POLG2: variants seen among roughly 807,000 people sequenced by gnomAD.
The protein encoded by POLG2 is DNA polymerase subunit gamma-2.
Under a neutral mutation model 56.5 loss-of-function variants are expected in POLG2, and 50 were observed. That is an observed-to-expected ratio of 0.88 (90% confidence interval 0.71 to 1.12). POLG2 has a LOEUF of 1.12. Ranked by LOEUF, POLG2 falls within the 50% of genes most tolerant of loss-of-function variation. The pLI is 0.00. For missense variants in POLG2, 584 were observed against 583.3 expected (o/e 1.00, Z -0.01); for synonymous variants, 226 against 222.6 (o/e 1.02, Z -0.14).
In POLG2 at chr17:64,479,548, T is replaced by C. The variant is rs538561520; in HGVS notation, c.1292+741A>G. On this transcript the variant is annotated intron_variant, in intron 7 of 7. Transcript: ENST00000539111. Reference sequence around the variant, plus strand: ...ATCAAAACACAATGGTTCACAACTTTTCACCCAAAAGATACATATTCAACA... The same window carrying C: ...ATCAAAACACAATGGTTCACAACTTCTCACCCAAAAGATACATATTCAACA... Among the ~76,000 whole-genome samples, 20 of 152,150 alleles carry C rather than the reference T, an allele frequency of 1.3e-4. No individual in the cohort carries two copies. The South Asian group carries it at 3.9e-3, about 30-fold the overall frequency.
intron 1 of POLG2, among the ~76,000 whole-genome samples, chr17:64,494,437 T>G (rs958460629): frequency 3.9e-5 from 6 of 152,170 alleles, no homozygotes; most frequent in Non-Finnish European, 8.8e-5. Context: ...TCACCCAGTA[T>G]TTTAGAATCC....
chr17:64,495,034 G>A (rs1487841745), intron 1 of POLG2, among the ~76,000 whole-genome samples: 4 of 152,072 alleles, frequency 2.6e-5, no homozygotes, highest in Non-Finnish European at 4.4e-5. Flanking sequence ...TTAGCCAGGC[G>A]TGGTGGCAAG....
At chr17:64,486,138 C>G (rs2037947919) in intron 4 of POLG2, among the ~76,000 whole-genome samples, 1 of 152,134 alleles carries the variant, frequency 6.6e-6, no homozygotes, top group African/African-American at 2.4e-5. Flanking sequence ...GGCACTGGGC[C>G]CACGAAGACG....
chr17:64,496,995 C>G lies in POLG2; in HGVS notation c.-27G>C, dbSNP rs1403336346. ...TCTCTCCGAAGTTAAAGAGCACACTCTCCCATCACTCAACGGATCCCAACA... is the reference window on the plus strand; with the variant it reads ...TCTCTCCGAAGTTAAAGAGCACACTGTCCCATCACTCAACGGATCCCAACA... On this transcript the variant is annotated 5_prime_UTR_variant, in exon 1 of 8. Transcript: ENST00000539111. The G allele has an allele frequency of 6.3e-7, 1 of 1,585,758 alleles. No individual in the cohort carries two copies.
chr17:64,491,820 C>A, intron 3 of POLG2: 1 of 456,580 alleles, frequency 2.2e-6, no homozygotes, highest in Non-Finnish European at 4.0e-6. Context: ...CCCCAGCAAC[C>A]TTCTTGGCTG....
intron 7 of POLG2, among the ~76,000 whole-genome samples, chr17:64,479,179 A>T (rs2037816077): frequency 6.7e-6 from 1 of 149,384 alleles, no homozygotes; most frequent in African/African-American, 2.5e-5. Flanking sequence ...ATCATCTGAA[A>T]GGTGTTTTTT....
intron 5 of POLG2, 118 bp from the exon 6 acceptor site, chr17:64,483,117 T>C (rs1162180827): frequency 3.4e-6 from 2 of 595,406 alleles, no homozygotes; most frequent in South Asian, 2.1e-5. Context: ...TTAACAGTTA[T>C]AATTTTCTGT....
chr17:64,485,645 T>C lies in POLG2; in HGVS notation c.1110+83A>G, dbSNP rs934277998. Reference sequence around the variant, plus strand: ...TAAATTTATTATTTAGAGTTTATGTTAGAAACCGAGCACACTAACATTAAG... The same window carrying C: ...TAAATTTATTATTTAGAGTTTATGTCAGAAACCGAGCACACTAACATTAAG... On this transcript the variant is annotated intron_variant, in intron 5 of 7. Coordinates refer to ENST00000539111, the MANE Select transcript of POLG2 (RefSeq NM_007215.4). 1.3e-5 allele frequency: 15 copies of C among 1,119,368 alleles called. No homozygotes were observed. In the African/African-American group the frequency reaches 2.0e-4, roughly 15 times the overall value. 69.3% of individuals were successfully genotyped at this position (1,119,368 alleles called of 1,614,324 possible). A position where few individuals can be genotyped will look rare whatever the true frequency, so the allele number is the denominator to read the frequency against.
chr17:64,481,279 T>C lies in POLG2; in HGVS notation c.1192-890A>G, dbSNP rs59327291. On this transcript the variant is annotated intron_variant, in intron 6 of 7. Transcript: ENST00000539111. ...AAAATGTGGGACATACGCCATTATC[T>C]TCTCCTTCTTTGAGCTCACTATCTC... 8,019 of 985,284 alleles carry C rather than the reference T, an allele frequency of 8.1e-3. 517 individuals are homozygous for C. The African/African-American group carries it at 0.13, about 16-fold the overall frequency. The allele number at this position is 985,284 out of a possible 1,614,324, so 61.0% of individuals were successfully genotyped here. A position where few individuals can be genotyped will look rare whatever the true frequency, so the allele number is the denominator to read the frequency against.
At chr17:64,493,383 C>T (rs1453124399) in intron 1 of POLG2, among the ~76,000 whole-genome samples, 1 of 152,014 alleles carries the variant, frequency 6.6e-6, no homozygotes, top group African/African-American at 2.4e-5. Context: ...TGCCACTGTG[C>T]TCCAGCCTGG....
intron 1 of POLG2, 135 bp from the exon 2 acceptor site, chr17:64,493,156 G>T: frequency 1.0e-6 from 1 of 967,592 alleles, no homozygotes; most frequent in Non-Finnish European, 1.6e-6. Context: ...GGTGGCTCAC[G>T]CCTATAATCC....
At position 64,496,518 on chromosome 17, in the gene POLG2, C is replaced by T. The variant is rs2038154615; in HGVS notation, c.451G>A (p.Glu151Lys). 1 of 1,613,674 alleles carries T rather than the reference C, an allele frequency of 6.2e-7. No individual in the cohort carries two copies. Among genetic ancestry groups the T allele is most frequent in the South Asian group, 1.1e-5 (1 of 91,076 alleles). Residue 151 changes from glutamate (E) to lysine (K), a missense_variant, in exon 1 of 8, where the codon GAA becomes AAA. By Grantham distance (56) the Glu-to-Lys change is moderately conservative (BLOSUM62 1). Coordinates refer to ENST00000539111, the MANE Select transcript of POLG2 (RefSeq NM_007215.4). ...TCTTGCAAGATTTCGCGTAGAGTTT[C>T]TGCAGAAACTAACCTGAAGGCACTG... Reference protein sequence around the residue: ...GDSAFRLVSAETLREILQDKE... With the variant: ...GDSAFRLVSAKTLREILQDKE...
chr17:64,485,567 T>TGGCCAG, intron 5 of POLG2, 161 bp downstream of exon 5: 1 of 652,762 alleles, frequency 1.5e-6, no homozygotes, highest in Non-Finnish European at 2.7e-6. Flanking sequence ...ACCTGATTCT[T>TGGCCAG]ATTCCTGTGG....
chr17:64,496,880 G>C lies in POLG2; in HGVS notation c.89C>G (p.Pro30Arg). Reference sequence around the variant, plus strand: ...GCTACTCCTTTCCGTCAACAGCTCCGGCTGCCCCGCATCTACTCGACCCCC... The same window carrying C: ...GCTACTCCTTTCCGTCAACAGCTCCCGCTGCCCCGCATCTACTCGACCCCC... Reference protein sequence around the residue: ...GFGGRVDAGQPELLTERSSPK... With the variant: ...GFGGRVDAGQRELLTERSSPK... Residue 30 changes from proline to arginine, a missense_variant, in exon 1 of 8, where the codon CCG (proline) becomes CGG (arginine). Transcript: ENST00000539111. The C allele has an allele frequency of 6.2e-7, 1 of 1,613,366 alleles. No individual in the cohort carries two copies. The highest frequency in any genetic ancestry group is 1.3e-5 in the African/African-American group (1 of 74,984).
intron 3 of POLG2, 66 bp from the exon 4 acceptor site, chr17:64,491,035 A>G: frequency 1.7e-6 from 2 of 1,177,896 alleles, no homozygotes; most frequent in Non-Finnish European, 2.5e-6. Context: ...TCCCATAATT[A>G]TCTGTAAGAA....
rs369103206 is a variant in POLG2, at chr17:64,494,744, CT to C, written c.562+1662del. Among the ~76,000 whole-genome samples, 446 of 152,194 alleles carry C rather than the reference CT, an allele frequency of 2.9e-3. 2 individuals carry two copies. Among genetic ancestry groups the C allele is most frequent in the African/African-American group, 0.01 (434 of 41,502 alleles). On this transcript the variant is annotated intron_variant, in intron 1 of 7. Coordinates refer to ENST00000539111, the MANE Select transcript of POLG2 (RefSeq NM_007215.4). ...CCCTCCTCAAGCCAGCATCTGTGAC[CT>C]TTTTATATGACCCATTAGTCTTCAA...
intron 4 of POLG2, chr17:64,490,579 A>C: frequency 1.8e-6 from 1 of 558,376 alleles, no homozygotes; most frequent in Non-Finnish European, 3.2e-6. Context: ...TATTGAGATA[A>C]TCAGTTCAAT....
chr17:64,496,772 C>T lies in POLG2; in HGVS notation c.197G>A (p.Ser66Asn). 1 of 1,613,994 alleles carries T rather than the reference C, an allele frequency of 6.2e-7. No individual in the cohort carries two copies. Among genetic ancestry groups the T allele is most frequent in the Non-Finnish European group, 8.5e-7 (1 of 1,180,016 alleles). ...HPEAPGSGEG[S>N]EALLEICQRR... ...CTGACAGATCTCTAACAGCGCCTCG[C>T]TTCCCTCTCCAGACCCGGGGGCTTC... The change falls in exon 1 of 8, where the codon AGC (serine) becomes AAC (asparagine). Residue 66 changes from serine (S) to asparagine (N), a missense_variant. By Grantham distance (46) the Ser-to-Asn change is conservative (BLOSUM62 1). Coordinates refer to ENST00000539111, the MANE Select transcript of POLG2 (RefSeq NM_007215.4).
intron 7 of POLG2, among the ~76,000 whole-genome samples, chr17:64,478,958 G>T (rs1230458563): frequency 6.6e-6 from 1 of 152,066 alleles, no homozygotes; most frequent in African/African-American, 2.4e-5. Context: ...ATAAAACATA[G>T]TACGTGTTTA....
Sources: allele counts gnomAD v4.1 joint callset (sites outside exome capture counted in the v4.1 genomes callset), GRCh38; gene constraint gnomAD v4.1.1; transcripts MANE v1.5; gene names NCBI Gene and HGNC (gene_info 2026-07-23, HGNC 2026-07-21).